Variants in RHCG observed in about 807,000 individuals in gnomAD.
RHCG encodes ammonium transporter Rh type C.
A neutral mutation model predicts 55.3 loss-of-function variants in RHCG; 39 were observed. The ratio of observed to expected loss-of-function variants is 0.70; its 90% CI spans 0.55 to 0.92. The LOEUF (loss-of-function observed/expected upper bound fraction) is 0.92. RHCG is among the 40% of genes least tolerant of loss of function. RHCG has a pLI of 0.00. For missense variants in RHCG, 635 were observed against 627.9 expected, an observed-to-expected ratio of 1.01 and a Z score of -0.12; for synonymous variants, 250 against 246.8, an observed-to-expected ratio of 1.01 and a Z score of -0.12.
Position 89,472,776 on chromosome 15 carries a change from A to G in RHCG, c.1399T>C (p.Ser467Pro), listed in dbSNP as rs930773539. ...ACCGAGGAAGCCATGGGTAGTGGGG[A>G]CACCATGGGTACTGAGGGTACTGAG... ...GPSVPSVPMV[S>P]PLPMASSVPL... Residue 467 changes from serine to proline, a missense_variant, in exon 10 of 11, where the codon TCC becomes CCC. Transcript: ENST00000268122. 1 of 1,583,310 alleles carries G rather than the reference A, an allele frequency of 6.3e-7. No individual in the cohort carries two copies.
intron 1 of RHCG, 143 bp downstream of exon 1, chr15:89,496,218 C>T: frequency 2.6e-6 from 2 of 771,444 alleles, no homozygotes; most frequent in Non-Finnish European, 4.3e-6. Context: ...ATTTCCCACG[C>T]ATGCCCTGCA....
Position 89,477,899 on chromosome 15 carries a change from C to T in RHCG, c.913G>A (p.Gly305Ser), listed in dbSNP as rs201220252. ...TAAEMMLMPY[G>S]ALIIGFVCGI... ...CAGACGAAGCCGATGATGAGGGCAC[C>T]GTAAGGCATGAGCATCATCTCAGCA... Residue 305 changes from glycine (G) to serine (S), a missense_variant, in exon 6 of 11, where the codon GGT becomes AGT. Gly to Ser is a moderately conservative substitution (Grantham distance 56, BLOSUM62 0). Coordinates refer to ENST00000268122, the MANE Select transcript of RHCG (RefSeq NM_016321.3). This position sits in a 1 kb window ranked among gnomAD's most constrained non-coding sequence, Gnocchi z 4.5. The T allele has an allele frequency of 3.5e-5, 56 of 1,614,078 alleles. No homozygotes were observed. In the Admixed American group the frequency reaches 5.0e-4, roughly 14 times the overall value.
intron 2 of RHCG, chr15:89,486,339 C>A (rs1448607458): frequency 4.4e-6 from 2 of 456,546 alleles, no homozygotes; most frequent in Non-Finnish European, 8.8e-6. Flanking sequence ...TGCAGACATC[C>A]CAGTTCTCCC....
At chr15:89,494,147 C>G (rs575668963) in intron 1 of RHCG, among the ~76,000 whole-genome samples, 21 of 152,146 alleles carry the variant, frequency 1.4e-4, no homozygotes, top group African/African-American at 4.6e-4. Context: ...CTCCTCGCAA[C>G]ACCACCCCCT....
chr15:89,482,871 T>G (rs981358393), intron 3 of RHCG, among the ~76,000 whole-genome samples, 196 bp downstream of exon 3: 1 of 152,144 alleles, frequency 6.6e-6, no homozygotes, highest in Non-Finnish European at 1.5e-5. Flanking sequence ...ACGTGCTGGA[T>G]TGATGGGCTA....
chr15:89,475,925 C>T (rs1182940584), intron 9 of RHCG, among the ~76,000 whole-genome samples: 1 of 152,150 alleles, frequency 6.6e-6, no homozygotes. Context: ...CTTGTTAAAC[C>T]AGAGTGCTGG....
At chr15:89,486,772 C>A in intron 2 of RHCG, 27 bp downstream of exon 2, 3 of 1,565,862 alleles carry the variant, frequency 1.9e-6, no homozygotes, top group South Asian at 1.2e-5. Flanking sequence ...CAGTCCGCCA[C>A]GCCCCCGGGG....
intron 1 of RHCG, among the ~76,000 whole-genome samples, chr15:89,490,286 G>T (rs1292902953): frequency 6.6e-6 from 1 of 152,370 alleles, no homozygotes; most frequent in Non-Finnish European, 1.5e-5. Context: ...AGACCCCTCA[G>T]CTAGCAGCTA....
rs1461764264 is a variant in RHCG at position 89,491,564 on chromosome 15, C to T, written c.185-4579G>A. ...GGTGGTTCACTTGAGGTCAGGAGTT[C>T]GAGACCAGCCTGGCCAACATGGGGA... is the stretch of plus-strand genomic sequence containing the variant. On this transcript the variant is annotated intron_variant, in intron 1 of 10. Coordinates refer to ENST00000268122, the MANE Select transcript of RHCG (RefSeq NM_016321.3). 2.0e-5 allele frequency among the ~76,000 whole-genome samples: 3 copies of T among 152,046 alleles called. No homozygotes were observed. The South Asian group carries it at 6.2e-4, about 32-fold the overall frequency.
At chr15:89,472,958 G>T in intron 9 of RHCG, 95 bp from the exon 10 acceptor site, 1 of 1,336,618 alleles carries the variant, frequency 7.5e-7, no homozygotes, top group Non-Finnish European at 9.8e-7. Context: ...GGTGTGTGGC[G>T]AGCGCCACCT....
Position 89,486,974 on chromosome 15 carries a change from C to T in RHCG, c.196G>A (p.Val66Met), listed in dbSNP as rs1961385629. 16 of 1,596,388 alleles carry T rather than the reference C, an allele frequency of 1.0e-5. No individual in the cohort carries two copies. The highest frequency in any genetic ancestry group is 1.3e-5 in the Non-Finnish European group (15 of 1,167,378). The change falls in exon 2 of 11, where the codon GTG becomes ATG. Residue 66 changes from valine to methionine, a missense_variant. By Grantham distance (21) the Val-to-Met change is conservative. Coordinates refer to ENST00000268122, the MANE Select transcript of RHCG (RefSeq NM_016321.3). ...AAGCCCACGAAGACCATCACGTGCA[C>T]GTCCTGGAAGCCTGCGGGGACAGTG... is the stretch of plus-strand genomic sequence containing the variant. ...FYYRYPSFQD[V>M]HVMVFVGFGF... is the part of the protein sequence containing the mutation.
intron 1 of RHCG, among the ~76,000 whole-genome samples, chr15:89,496,054 A>C (rs1961559722): frequency 6.6e-6 from 1 of 152,214 alleles, no homozygotes; most frequent in South Asian, 2.1e-4. Flanking sequence ...TAATGGGGCG[A>C]GAGGACTCGG....
intron 9 of RHCG, 137 bp from the exon 10 acceptor site, chr15:89,473,000 G>C (rs1282487909): frequency 3.9e-6 from 4 of 1,016,886 alleles, no homozygotes; most frequent in Non-Finnish European, 5.5e-6. Context: ...ATGCCACGGA[G>C]AGCAGGGTGG....
chr15:89,474,214 G>A (rs941939786), intron 9 of RHCG, among the ~76,000 whole-genome samples: 9 of 152,142 alleles, frequency 5.9e-5, no homozygotes, highest in African/African-American at 2.2e-4. Context: ...GCTTGACATA[G>A]GGTGACAGGA....
At position 89,479,374 on chromosome 15, in the gene RHCG, A is replaced by G. The variant is rs377471544; in HGVS notation, c.785T>C (p.Leu262Pro). 5.0e-6 allele frequency: 8 copies of G among 1,614,184 alleles called. No homozygotes were observed. The highest frequency in any genetic ancestry group is 5.9e-6 in the Non-Finnish European group (7 of 1,180,038). ...GGCACTGGATATTGCCACCGAGGTA[A>G]GCACGCAGGCTGCCAAGGAGCAGTA... ...NTYCSLAACV[L>P]TSVAISSALH... is the part of the protein sequence containing the mutation. Residue 262 changes from leucine to proline, a missense_variant, in exon 5 of 11, where the codon CTT becomes CCT. Leu to Pro is a moderately conservative substitution (Grantham distance 98). Transcript: ENST00000268122.
intron 2 of RHCG, among the ~76,000 whole-genome samples, chr15:89,485,787 G>A (rs891876240): frequency 1.3e-5 from 2 of 152,122 alleles, no homozygotes; most frequent in Admixed American, 6.5e-5. Context: ...ACTAAAACTT[G>A]GCTAAAGCAG....
At chr15:89,484,430 C>T (rs544783131) in intron 2 of RHCG, among the ~76,000 whole-genome samples, 1 of 152,138 alleles carries the variant, frequency 6.6e-6, no homozygotes, top group East Asian at 1.9e-4. Context: ...AGTTTTTTGC[C>T]CAAGATCCCA....
intron 5 of RHCG, among the ~76,000 whole-genome samples, chr15:89,478,414 A>G (rs1401473582): frequency 6.6e-6 from 1 of 152,202 alleles, no homozygotes; most frequent in Non-Finnish European, 1.5e-5. Flanking sequence ...TGTACCAGGT[A>G]CCGTGCTGCT....
At chr15:89,472,350 T>A (rs1336506128) in intron 10 of RHCG, among the ~76,000 whole-genome samples, 4 of 152,042 alleles carry the variant, frequency 2.6e-5, no homozygotes, top group Non-Finnish European at 5.9e-5. Flanking sequence ...CAACCAGACG[T>A]GTCAGCTTCA....
Sources: gnomAD v4.1 joint callset for allele counts (sites outside exome capture counted in the v4.1 genomes callset) on GRCh38, gnomAD v4.1.1 for gene constraint, Gnocchi (gnomAD v3.1) non-coding constraint, MANE v1.5 for transcripts, NCBI Gene and HGNC (gene_info 2026-07-23, HGNC 2026-07-21) for gene names.